Variants in BABAM2 observed in about 807,000 individuals in gnomAD.
BABAM2 encodes BRISC and BRCA1 A complex member 2.
A neutral mutation model predicts 54.7 loss-of-function variants in BABAM2; 31 were observed. That is an observed-to-expected ratio of 0.57 (90% confidence interval 0.43 to 0.77). The LOEUF (loss-of-function observed/expected upper bound fraction) is 0.77. Among genes scored for constraint, BABAM2 ranks in the 30% least tolerant of loss-of-function variants. The pLI, the probability that BABAM2 is intolerant of heterozygous loss-of-function variation, is 0.00. For missense variants in BABAM2, 364 were observed against 455.8 expected, an observed-to-expected ratio of 0.80 and a Z score of 1.83; for synonymous variants, 167 against 162.9, an observed-to-expected ratio of 1.03 and a Z score of -0.19.
chr2:28,153,784 C>G (rs1406237541), intron 7 of BABAM2, among the ~76,000 whole-genome samples: 1 of 152,150 alleles, frequency 6.6e-6, no homozygotes, highest in African/African-American at 2.4e-5. Flanking sequence ...TGAACACACA[C>G]TAAACTTTAG....
upstream of BABAM2, chr2:27,890,359 TG>T (rs770496078): frequency 2.5e-6 from 4 of 1,611,814 alleles, no homozygotes; most frequent in Non-Finnish European, 3.4e-6. The surrounding 1 kb of genome is among the most constrained non-coding windows in gnomAD (Gnocchi z 4.8). Context: ...TCAAAGGTGC[TG>T]CTGTCCAACC....
intron 2 of BABAM2, among the ~76,000 whole-genome samples, chr2:27,911,028 T>C (rs1292275946): frequency 6.6e-6 from 1 of 152,164 alleles, no homozygotes; most frequent in Non-Finnish European, 1.5e-5. Flanking sequence ...TATAAGGGGC[T>C]TTTCCCCCTT....
intron 6 of BABAM2, among the ~76,000 whole-genome samples, chr2:28,056,933 T>A (rs989023669): frequency 6.6e-6 from 1 of 152,258 alleles, no homozygotes; most frequent in Non-Finnish European, 1.5e-5. Flanking sequence ...CCTTAAGTGG[T>A]CTATATTTTC....
At chr2:28,193,379 G>A (rs11684926) in intron 7 of BABAM2, among the ~76,000 whole-genome samples, 32,955 of 152,094 alleles carry the variant, frequency 0.22, 3,780 homozygotes, top group South Asian at 0.41. Flanking sequence ...TGCCTTCACC[G>A]AGGGATCTGA....
intron 10 of BABAM2, among the ~76,000 whole-genome samples, chr2:28,253,238 A>G (rs921639568): frequency 2.7e-5 from 4 of 147,498 alleles, no homozygotes; most frequent in African/African-American, 9.9e-5. Flanking sequence ...TGCCTCTACT[A>G]AAAAAAAAAG....
At chr2:28,144,967 C>T (rs974992282) in intron 7 of BABAM2, among the ~76,000 whole-genome samples, 16 of 152,336 alleles carry the variant, frequency 1.1e-4, no homozygotes, top group Admixed American at 9.1e-4. Context: ...ACCAGTGCTC[C>T]GAGTGTGGTC....
chr2:28,290,039 G>C (rs1235489648), intron 10 of BABAM2, among the ~76,000 whole-genome samples: 1 of 152,066 alleles, frequency 6.6e-6, no homozygotes, highest in Admixed American at 6.5e-5. Context: ...TTCCTAAATA[G>C]TATGTAATGT....
intron 6 of BABAM2, among the ~76,000 whole-genome samples, chr2:28,102,228 A>G (rs969358966): frequency 6.6e-6 from 1 of 152,172 alleles, no homozygotes; most frequent in African/African-American, 2.4e-5. Flanking sequence ...ACGCTTTTTC[A>G]CTGTGCTTGG....
intron 7 of BABAM2, among the ~76,000 whole-genome samples, chr2:28,221,394 T>A (rs944865804): frequency 6.6e-6 from 1 of 152,218 alleles, no homozygotes; most frequent in African/African-American, 2.4e-5. Flanking sequence ...GTACGTCGAT[T>A]TAGTATGTTT....
At chr2:28,333,357 G>C (rs536722526) in intron 11 of BABAM2, among the ~76,000 whole-genome samples, 169 of 152,196 alleles carry the variant, frequency 1.1e-3, no homozygotes, top group Non-Finnish European at 2.1e-3. Context: ...ACAGCCCACC[G>C]GCCTTAGGAC....
intron 4 of BABAM2, among the ~76,000 whole-genome samples, chr2:28,022,542 T>G (rs1223871583): frequency 6.6e-6 from 1 of 152,206 alleles, no homozygotes; most frequent in East Asian, 1.9e-4. Context: ...TTTCTTTGAC[T>G]GTGTTTTATC....
chr2:28,134,892 G>A (rs1670404899), intron 7 of BABAM2, among the ~76,000 whole-genome samples: 1 of 152,204 alleles, frequency 6.6e-6, no homozygotes, highest in Admixed American at 6.5e-5. Context: ...TGGATTAATA[G>A]AAAAGGCATA....
chr2:28,236,540 A>G (rs1286028870), intron 7 of BABAM2, among the ~76,000 whole-genome samples: 1 of 151,798 alleles, frequency 6.6e-6, no homozygotes, highest in Non-Finnish European at 1.5e-5. Context: ...TAATCTTTGT[A>G]TTTTTAGTAG....
At chr2:27,968,967 TGG>T (rs1558625862) in intron 3 of BABAM2, among the ~76,000 whole-genome samples, 3 of 152,160 alleles carry the variant, frequency 2.0e-5, no homozygotes, top group African/African-American at 7.2e-5. Context: ...TGGAATGATA[TGG>T]CTTGTCTGTG....
intron 2 of BABAM2, among the ~76,000 whole-genome samples, chr2:27,897,639 G>GT (rs921081988): frequency 2.7e-4 from 41 of 150,504 alleles, no homozygotes; most frequent in Admixed American, 5.3e-4. Context: ...ACTTTTTAGG[G>GT]TTTTTTTTTG....
chr2:28,024,423 T>G (rs1345854940), intron 4 of BABAM2, among the ~76,000 whole-genome samples: 1 of 151,860 alleles, frequency 6.6e-6, no homozygotes, highest in East Asian at 1.9e-4. Context: ...AAAAAAAGTC[T>G]TTGATGAAGT....
At chr2:28,164,909 T>C (rs187115207) in intron 7 of BABAM2, among the ~76,000 whole-genome samples, 3 of 152,334 alleles carry the variant, frequency 2.0e-5, no homozygotes, top group South Asian at 4.1e-4. Flanking sequence ...TCAGCAATCA[T>C]TTATTAAGTA....
intron 4 of BABAM2, 88 bp downstream of exon 4, chr2:27,988,175 G>C: frequency 1.6e-6 from 2 of 1,247,220 alleles, no homozygotes; most frequent in Admixed American, 1.7e-5. Flanking sequence ...AGATAGATTT[G>C]TCACACATCT....
chr2:27,926,717 G>C (rs1225982003), intron 2 of BABAM2, among the ~76,000 whole-genome samples: 2 of 151,890 alleles, frequency 1.3e-5, no homozygotes, highest in African/African-American at 4.8e-5. Context: ...CTAACACCTA[G>C]AGCAATGCTT....
Sources: allele counts gnomAD v4.1 joint callset (sites outside exome capture counted in the v4.1 genomes callset), GRCh38; gene constraint gnomAD v4.1.1; non-coding constraint Gnocchi (gnomAD v3.1); transcripts MANE v1.5; gene names NCBI Gene and HGNC (gene_info 2026-07-23, HGNC 2026-07-21).